Variants in GALNT12 observed in about 807,000 individuals in gnomAD.
GALNT12 encodes the protein polypeptide N-acetylgalactosaminyltransferase 12.
A neutral mutation model predicts 55.5 loss-of-function variants in GALNT12; 45 were observed. The ratio of observed to expected loss-of-function variants is 0.81; its 90% CI spans 0.64 to 1.04. The LOEUF is 1.04. GALNT12 is among the 50% of genes least tolerant of loss of function. The pLI, the probability that GALNT12 is intolerant of heterozygous loss-of-function variation, is 0.00. For missense variants in GALNT12, 709 were observed against 754.8 expected, an observed-to-expected ratio of 0.94 and a Z score of 0.71; for synonymous variants, 304 against 312.2, an observed-to-expected ratio of 0.97 and a Z score of 0.28.
chr9:98,844,426 A>G (rs2118495991), intron 8 of GALNT12: 1 of 558,612 alleles, frequency 1.8e-6, no homozygotes. Flanking sequence ...AATAGTTGTC[A>G]TAATGTCTGT....
chr9:98,815,622 G>A (rs1307970790), intron 1 of GALNT12, among the ~76,000 whole-genome samples: 1 of 152,100 alleles, frequency 6.6e-6, no homozygotes, highest in Admixed American at 6.5e-5. Flanking sequence ...CTCAATGAAG[G>A]CATTTGCTGT....
chr9:98,824,432 G>T (rs1334992436), intron 2 of GALNT12, among the ~76,000 whole-genome samples: 1 of 152,174 alleles, frequency 6.6e-6, no homozygotes, highest in Non-Finnish European at 1.5e-5. Flanking sequence ...CGAGGGCACT[G>T]CTTGGAAGTT....
chr9:98,809,452 A>G (rs1344462501), intron 1 of GALNT12, among the ~76,000 whole-genome samples: 1 of 152,248 alleles, frequency 6.6e-6, no homozygotes, highest in Non-Finnish European at 1.5e-5. Flanking sequence ...ACCCAGCTTC[A>G]GATTAAATCC....
Position 98,823,272 on chromosome 9 carries a change from T to A in GALNT12, c.388T>A (p.Tyr130Asn). ...RWNPLCKEKK[Y>N]DYDNLPRTSV... Reference sequence around the variant, plus strand: ...TATTTGCAGGTGCAAAGAGAAGAAATATGATTATGATAATTTGCCCAGGAC... The same window carrying A: ...TATTTGCAGGTGCAAAGAGAAGAAAAATGATTATGATAATTTGCCCAGGAC... The change falls in exon 2 of 10, where the codon TAT (tyrosine) becomes AAT (asparagine). Residue 130 changes from tyrosine (Y) to asparagine (N), a missense_variant. Transcript: ENST00000375011. 5 of 1,614,134 alleles carry A rather than the reference T, an allele frequency of 3.1e-6. No homozygotes were observed. The highest frequency in any genetic ancestry group is 1.6e-4 in the Middle Eastern group (1 of 6,062).
At chr9:98,822,967 T>G (rs948382182) in intron 1 of GALNT12, among the ~76,000 whole-genome samples, 23 of 152,164 alleles carry the variant, frequency 1.5e-4, no homozygotes, top group African/African-American at 5.6e-4. Context: ...AAGGAAGACG[T>G]GCCAGTTCCC....
intron 1 of GALNT12, among the ~76,000 whole-genome samples, chr9:98,815,106 C>G (rs777151761): frequency 6.6e-6 from 1 of 152,226 alleles, no homozygotes; most frequent in Non-Finnish European, 1.5e-5. Flanking sequence ...AAAAGATGCA[C>G]AGCTTTTTAT....
chr9:98,815,705 C>A (rs931967686), intron 1 of GALNT12, among the ~76,000 whole-genome samples: 1 of 152,124 alleles, frequency 6.6e-6, no homozygotes, highest in African/African-American at 2.4e-5. Flanking sequence ...TATAGATGTT[C>A]ATTTTAGGAC....
At chr9:98,808,456 C>T (rs1313597602) in intron 1 of GALNT12, among the ~76,000 whole-genome samples, 2 of 152,200 alleles carry the variant, frequency 1.3e-5, no homozygotes, top group African/African-American at 4.8e-5. Context: ...CTCCTCCGGG[C>T]GGTGACCGGC....
Position 98,843,222 on chromosome 9 carries a change from T to C in GALNT12, c.1345-874T>C, listed in dbSNP as rs1406649836. Among the ~76,000 whole-genome samples the C allele has an allele frequency of 3.9e-5, 6 of 152,220 alleles. No individual in the cohort carries two copies. In the East Asian group the frequency reaches 1.2e-3, roughly 29 times the overall value. The stretch of plus-strand genomic sequence containing the variant: ...TTTAAACAATATTAACATAATTACT[T>C]ATTTTCTTTATCCTAAAATATATTG... On this transcript the variant is annotated intron_variant, in intron 7 of 9. Transcript: ENST00000375011.
In GALNT12 at chr9:98,831,120, C is replaced by A. The variant is rs180796456; in HGVS notation, c.732-652C>A. Among the ~76,000 whole-genome samples the A allele has an allele frequency of 3.3e-5, 5 of 152,178 alleles. No individual in the cohort carries two copies. The East Asian group carries it at 9.6e-4, about 29-fold the overall frequency. On this transcript the variant is annotated intron_variant, in intron 3 of 9. Transcript: ENST00000375011. ...GTTGAAGCCAACACACAGGCTGATA[C>A]CTGCAAAAGGAAATTATAGCATTTT... is the stretch of plus-strand genomic sequence containing the variant.
At chr9:98,848,817 G>C in intron 9 of GALNT12, 135 bp from the exon 10 acceptor site, 1 of 1,037,284 alleles carries the variant, frequency 9.6e-7, no homozygotes, top group South Asian at 1.4e-5. Flanking sequence ...GAGTTGCTGC[G>C]TTACACGGAA....
rs879859799 is a variant in GALNT12, at chr9:98,830,343, C to CTGT, written c.732-1429_732-1428insTGT. ...AGGGTATTCTTGGTTGTCATGTCAACCAGGTAGGGCTCCTGGCATTTTGTG... is the reference window on the plus strand; with the variant it reads ...AGGGTATTCTTGGTTGTCATGTCAACTGTCAGGTAGGGCTCCTGGCATTTTGTG... On this transcript the variant is annotated intron_variant, in intron 3 of 9. Transcript: ENST00000375011. Among the ~76,000 whole-genome samples the CTGT allele has an allele frequency of 2.6e-3, 398 of 152,316 alleles. 1 individual carries two copies. The highest frequency in any genetic ancestry group is 4.1e-3 in the Non-Finnish European group (282 of 68,020).
chr9:98,849,827 A>G lies in GALNT12; in HGVS notation c.*735A>G, dbSNP rs968906221. ...GGTTCTACCACTATGACTTTAAAAC[A>G]TGTTTATATCATTTTTAATTTTTAT... On this transcript the variant is annotated 3_prime_UTR_variant, in exon 10 of 10. Coordinates refer to ENST00000375011, the MANE Select transcript of GALNT12 (RefSeq NM_024642.5). 1 of 370,472 alleles carries G rather than the reference A, an allele frequency of 2.7e-6. No individual in the cohort carries two copies. The highest frequency in any genetic ancestry group is 1.5e-4 in the South Asian group (1 of 6,768). 22.9% of individuals were successfully genotyped at this position (370,472 alleles called of 1,614,324 possible). A position where few individuals can be genotyped will look rare whatever the true frequency, so the allele number is the denominator to read the frequency against.
intron 4 of GALNT12, 95 bp from the exon 5 acceptor site, chr9:98,835,154 T>C (rs920792344): frequency 3.4e-6 from 3 of 875,712 alleles, no homozygotes; most frequent in Non-Finnish European, 5.9e-6. Flanking sequence ...AGATGACAGA[T>C]GAACAGATGA....
intron 1 of GALNT12, among the ~76,000 whole-genome samples, chr9:98,821,387 C>T (rs10987843): frequency 0.95 from 143,884 of 151,938 alleles, 68,357 homozygotes; most frequent in Non-Finnish European, 0.98. Context: ...TTTGGGAGGC[C>T]GAGGTGGGCG....
intron 1 of GALNT12, among the ~76,000 whole-genome samples, chr9:98,822,792 GCCCAAGATACGTGGT>G (rs1414246664): frequency 1.3e-5 from 2 of 152,246 alleles, no homozygotes; most frequent in Non-Finnish European, 1.5e-5. Flanking sequence ...GACAGCAACT[GCCCAAGATACGTGGT>G]CCCAGGCGTT....
chr9:98,846,091 G>C lies in GALNT12; in HGVS notation c.1573G>C (p.Ala525Pro). The C allele has an allele frequency of 6.2e-7, 1 of 1,614,198 alleles. No individual in the cohort carries two copies. Among genetic ancestry groups the C allele is most frequent in the South Asian group, 1.1e-5 (1 of 91,076 alleles). The change falls in exon 9 of 10, where the codon GCC becomes CCC. Residue 525 changes from alanine to proline, a missense_variant. Around this residue, in one of 5 missense-constraint regions of GALNT12, gnomAD observed 262 missense variants for 310.7 expected, o/e 0.84. Coordinates refer to ENST00000375011, the MANE Select transcript of GALNT12 (RefSeq NM_024642.5). ...TLIMHLCEET[A>P]PENQKFILQE... ...TATCATGCATCTCTGCGAAGAAACTGCCCCAGAGAATCAGAAGTTCATCTT... is the reference window on the plus strand; with the variant it reads ...TATCATGCATCTCTGCGAAGAAACTCCCCCAGAGAATCAGAAGTTCATCTT...
At chr9:98,817,588 G>A (rs199524114) in intron 1 of GALNT12, among the ~76,000 whole-genome samples, 2 of 151,556 alleles carry the variant, frequency 1.3e-5, no homozygotes, top group Admixed American at 6.6e-5. Flanking sequence ...CTCAGCCTCC[G>A]GAGTAGCTGG....
chr9:98,841,672 CTT>C (rs112387878), intron 7 of GALNT12, among the ~76,000 whole-genome samples: 12 of 143,348 alleles, frequency 8.4e-5, no homozygotes, highest in Admixed American at 1.4e-4. Flanking sequence ...ACGACAAATT[CTT>C]TTTTTTTTTT....
Sources: allele counts gnomAD v4.1 joint callset (sites outside exome capture counted in the v4.1 genomes callset), GRCh38; gene constraint gnomAD v4.1.1; regional missense constraint gnomAD v4.1.1; transcripts MANE v1.5; gene names NCBI Gene and HGNC (gene_info 2026-07-23, HGNC 2026-07-21).